RSPO2: variants seen among roughly 807,000 people sequenced by gnomAD.
RSPO2 encodes the protein R-spondin-2.
A neutral mutation model predicts 30.9 loss-of-function variants in RSPO2; 14 were observed. The observed-to-expected ratio is 0.45, with a 90% CI of 0.30 to 0.71. The LOEUF (loss-of-function observed/expected upper bound fraction) is 0.71, where lower values mean the gene tolerates loss of function less well. Ranked by LOEUF, RSPO2 falls within the 30% of genes least tolerant of loss-of-function variation. The probability of loss-of-function intolerance (pLI) is 0.08; values close to 1 mark genes in which losing one functional copy is unlikely to be tolerated. For missense variants in RSPO2, 264 were observed against 301.9 expected (o/e 0.87, Z 0.93); for synonymous variants, 107 against 96.4 (o/e 1.11, Z -0.64).
intron 2 of RSPO2, among the ~76,000 whole-genome samples, chr8:107,996,738 G>A (rs1234339661): frequency 2.0e-5 from 3 of 152,090 alleles, no homozygotes; most frequent in Non-Finnish European, 2.9e-5. Context: ...ACAAATTAAA[G>A]GCTTTTTGTT....
At chr8:108,033,662 G>T (rs960951327) in intron 2 of RSPO2, among the ~76,000 whole-genome samples, 2 of 152,180 alleles carry the variant, frequency 1.3e-5, no homozygotes, top group Admixed American at 6.5e-5. Flanking sequence ...TCTTTGTGAT[G>T]ACAAGAGAAC....
Position 107,903,973 on chromosome 8 carries a change from C to T in RSPO2, c.617-2783G>A, listed in dbSNP as rs138686040. Among the ~76,000 whole-genome samples, 424 of 152,094 alleles carry T rather than the reference C, an allele frequency of 2.8e-3. 4 individuals are homozygous for T. The highest frequency in any genetic ancestry group is 9.7e-3 in the African/African-American group (402 of 41,510). On this transcript the variant is annotated intron_variant, in intron 5 of 5. Transcript: ENST00000276659. ...GTAGTAAAAGAATACTAAAATACAA[C>T]GTAACATACAGAAAGGGTCTTTCAT... is the stretch of plus-strand genomic sequence containing the variant.
chr8:108,003,984 C>T (rs924873330), intron 2 of RSPO2, among the ~76,000 whole-genome samples: 7 of 152,162 alleles, frequency 4.6e-5, no homozygotes, highest in African/African-American at 1.7e-4. Flanking sequence ...GCCATACCCT[C>T]ATAATTCGTT....
Position 107,973,202 on chromosome 8 carries a change from A to T in RSPO2, c.284-12385T>A, listed in dbSNP as rs1161345251. ...GGAGTATGGCGTGAACCCGGGAGGC[A>T]GAGTTTGCAGTGAGCCGAGATCACG... is the stretch of plus-strand genomic sequence containing the variant. On this transcript the variant is annotated intron_variant, in intron 3 of 5. Coordinates refer to ENST00000276659, the MANE Select transcript of RSPO2 (RefSeq NM_178565.5). 4.0e-5 allele frequency among the ~76,000 whole-genome samples: 6 copies of T among 151,804 alleles called. No individual in the cohort carries two copies. The East Asian group carries it at 1.2e-3, about 30-fold the overall frequency.
intron 3 of RSPO2, chr8:107,983,215 C>T: frequency 1.9e-6 from 3 of 1,575,662 alleles, no homozygotes; most frequent in Middle Eastern, 2.3e-4. Context: ...TATTTCTTGT[C>T]ACAAAAAGGC....
At chr8:107,936,769 G>T (rs968655069) in intron 5 of RSPO2, among the ~76,000 whole-genome samples, 2 of 152,002 alleles carry the variant, frequency 1.3e-5, no homozygotes, top group Non-Finnish European at 2.9e-5. Context: ...AGTAATGTTG[G>T]TATTTTTTCA....
rs192346435 is a variant in RSPO2 at position 108,014,414 on chromosome 8, G to T, written c.95-25170C>A. Among the ~76,000 whole-genome samples the T allele has an allele frequency of 3.9e-3, 598 of 152,190 alleles. 8 individuals carry two copies. The highest frequency in any genetic ancestry group is 0.014 in the African/African-American group (568 of 41,494). On this transcript the variant is annotated intron_variant, in intron 2 of 5. Transcript: ENST00000276659. ...GCACACATATGCTTATTGCAGTACT[G>T]TTCACAATAGCAAAGACTTGGGACC...
intron 2 of RSPO2, among the ~76,000 whole-genome samples, chr8:108,003,277 GTATA>G (rs59782097): frequency 2.2e-3 from 126 of 56,342 alleles, no homozygotes; most frequent in East Asian, 9.5e-3. Context: ...GTGTGTGTGT[GTATA>G]TATATATATA....
At chr8:108,017,156 A>C (rs112384093) in intron 2 of RSPO2, among the ~76,000 whole-genome samples, 1 of 151,832 alleles carries the variant, frequency 6.6e-6, no homozygotes, top group Non-Finnish European at 1.5e-5. Context: ...AGCTGGGACT[A>C]CAGGCGCCCA....
At chr8:107,925,155 T>G (rs1000783383) in intron 5 of RSPO2, among the ~76,000 whole-genome samples, 17 of 151,578 alleles carry the variant, frequency 1.1e-4, no homozygotes, top group African/African-American at 4.1e-4. Context: ...GGGGTTAAGG[T>G]TGAGAGGGGA....
chr8:107,943,372 A>C (rs1443338387), intron 5 of RSPO2, among the ~76,000 whole-genome samples: 1 of 152,168 alleles, frequency 6.6e-6, no homozygotes, highest in Non-Finnish European at 1.5e-5. Context: ...TATGGTTAAA[A>C]AAAACTTTGA....
At chr8:107,966,303 T>C (rs1813802951) in intron 3 of RSPO2, among the ~76,000 whole-genome samples, 1 of 152,140 alleles carries the variant, frequency 6.6e-6, no homozygotes, top group South Asian at 2.1e-4. Context: ...ACAGTCCCTA[T>C]GGGCCAACCA....
chr8:108,061,285 G>A (rs1178705413), intron 2 of RSPO2, among the ~76,000 whole-genome samples: 2 of 151,774 alleles, frequency 1.3e-5, no homozygotes, highest in East Asian at 1.9e-4. Flanking sequence ...GTATTCAGGA[G>A]ACCCATCTCA....
At chr8:107,936,316 A>C (rs995507169) in intron 5 of RSPO2, among the ~76,000 whole-genome samples, 4 of 152,140 alleles carry the variant, frequency 2.6e-5, no homozygotes, top group African/African-American at 9.7e-5. Context: ...GTGTTTATAT[A>C]CCACATTTTC....
chr8:108,082,639 C>G lies in RSPO2; in HGVS notation c.-1G>C, dbSNP rs202185418. 22 of 1,613,700 alleles carry G rather than the reference C, an allele frequency of 1.4e-5. No homozygotes were observed. The East Asian group carries it at 4.7e-4, about 34-fold the overall frequency. On this transcript the variant is annotated 5_prime_UTR_variant, in exon 2 of 6. Transcript: ENST00000276659. The stretch of plus-strand genomic sequence containing the variant: ...CAAAGGAGAAAAGGCGAAACTGCAT[C>G]TGGGCGGTCGGGCGGGGGAGAGACG...
In RSPO2 at chr8:108,069,244, C is replaced by T. The variant is rs748509849; in HGVS notation, c.94+13301G>A. Among the ~76,000 whole-genome samples the T allele has an allele frequency of 2.3e-4, 35 of 152,120 alleles. 1 individual carries two copies. Among genetic ancestry groups the T allele is most frequent in the Non-Finnish European group, 1.2e-4 (8 of 68,018 alleles). On this transcript the variant is annotated intron_variant, in intron 2 of 5. Coordinates refer to ENST00000276659, the MANE Select transcript of RSPO2 (RefSeq NM_178565.5). ...ACACACACACACACTCACAGAGTCT[C>T]GCTCTGTTGCCCAGGCTGGAGTGCA... is the stretch of plus-strand genomic sequence containing the variant.
At chr8:108,026,118 T>C (rs568953169) in intron 2 of RSPO2, among the ~76,000 whole-genome samples, 1 of 152,208 alleles carries the variant, frequency 6.6e-6, no homozygotes, top group African/African-American at 2.4e-5. Flanking sequence ...AATAGCATGT[T>C]TGTTGTATCC....
At chr8:108,068,525 G>A (rs1256840180) in intron 2 of RSPO2, among the ~76,000 whole-genome samples, 1 of 152,224 alleles carries the variant, frequency 6.6e-6, no homozygotes, top group Admixed American at 6.5e-5. Flanking sequence ...CGGGTATGAT[G>A]CAAAGGGTAT....
intron 2 of RSPO2, among the ~76,000 whole-genome samples, chr8:108,025,694 T>A (rs1003199517): frequency 1.3e-5 from 2 of 150,512 alleles, no homozygotes; most frequent in African/African-American, 2.4e-5. Flanking sequence ...CTTGGCTGAT[T>A]TTTTTTTTAA....
Sources: allele counts gnomAD v4.1 joint callset (sites outside exome capture counted in the v4.1 genomes callset), GRCh38; gene constraint gnomAD v4.1.1; transcripts MANE v1.5; gene names NCBI Gene and HGNC (gene_info 2026-07-23, HGNC 2026-07-21).